Variants in PHIP observed in about 807,000 individuals in gnomAD.
PHIP encodes PHIP subunit of CUL4-Ring ligase complex.
PHIP carries 54 observed loss-of-function variants against 236.8 expected under a neutral mutation model. The ratio of observed to expected loss-of-function variants is 0.23; its 90% CI spans 0.18 to 0.29. The LOEUF (loss-of-function observed/expected upper bound fraction) is 0.29. Ranked by LOEUF, PHIP falls within the 10% of genes least tolerant of loss-of-function variation. The pLI is 1.00. For missense variants in PHIP, 1,370 were observed against 2,190.8 expected (o/e 0.63, Z 7.48); for synonymous variants, 756 against 718.9 (o/e 1.05, Z -0.83).
chr6:79,035,534 A>C lies in PHIP; in HGVS notation c.600+7309T>G, dbSNP rs112017800. Among the ~76,000 whole-genome samples, 1,270 of 152,310 alleles carry C rather than the reference A, an allele frequency of 8.3e-3. 6 individuals carry two copies. Among genetic ancestry groups the C allele is most frequent in the Non-Finnish European group, 0.014 (938 of 68,008 alleles). ...AATAAAAGAAATTATGTGATTTTTT[A>C]ACTAAAAATATCTTAGAGAATTTGG... On this transcript the variant is annotated intron_variant, in intron 7 of 39. Coordinates refer to ENST00000275034, the MANE Select transcript of PHIP (RefSeq NM_017934.7).
intron 31 of PHIP, 54 bp downstream of exon 31, chr6:78,961,636 G>A: frequency 1.3e-6 from 2 of 1,573,356 alleles, no homozygotes; most frequent in Non-Finnish European, 1.7e-6. Flanking sequence ...TCAGTAAATG[G>A]GTGGAAAGAT....
At chr6:79,038,819 A>G (rs1232778929) in intron 7 of PHIP, among the ~76,000 whole-genome samples, 1 of 152,162 alleles carries the variant, frequency 6.6e-6, no homozygotes, top group African/African-American at 2.4e-5. Context: ...CTTTCCACAT[A>G]GATATCTCAA....
chr6:78,969,971 A>C, intron 26 of PHIP, 54 bp from the exon 27 acceptor site: 2 of 1,580,306 alleles, frequency 1.3e-6, no homozygotes, highest in Non-Finnish European at 8.7e-7. Flanking sequence ...AATACCTAAA[A>C]GATGTTCAAA....
chr6:79,067,234 G>C (rs1436577026), intron 4 of PHIP, among the ~76,000 whole-genome samples: 1 of 151,990 alleles, frequency 6.6e-6, no homozygotes, highest in Admixed American at 6.6e-5. Flanking sequence ...CCAATAAGAT[G>C]CAAGAATGGG....
chr6:79,034,960 C>T (rs1245918873), intron 7 of PHIP, among the ~76,000 whole-genome samples: 1 of 152,136 alleles, frequency 6.6e-6, no homozygotes, highest in Admixed American at 6.6e-5. Context: ...ACTCCCTCTA[C>T]TTATGAGATA....
intron 9 of PHIP, among the ~76,000 whole-genome samples, chr6:79,020,059 C>T (rs1351349024): frequency 3.9e-5 from 6 of 151,964 alleles, no homozygotes; most frequent in Non-Finnish European, 7.4e-5. Flanking sequence ...CAATATATAA[C>T]AAATTTAGAG....
intron 27 of PHIP, among the ~76,000 whole-genome samples, chr6:78,967,809 G>A (rs149393007): frequency 3.9e-5 from 6 of 152,060 alleles, no homozygotes; most frequent in Admixed American, 6.6e-5. Flanking sequence ...TATTTGTTCC[G>A]CAATTTATTG....
intron 4 of PHIP, among the ~76,000 whole-genome samples, chr6:79,077,087 C>T (rs942213736): frequency 4.6e-5 from 7 of 152,076 alleles, no homozygotes. Context: ...CGAGCGCGCT[C>T]TCCCTCTTCG....
chr6:79,024,866 A>T (rs1378326166), intron 9 of PHIP, among the ~76,000 whole-genome samples: 2 of 152,172 alleles, frequency 1.3e-5, no homozygotes, highest in Non-Finnish European at 2.9e-5. Flanking sequence ...AAGGGCAGAG[A>T]AGTGCTCTAG....
chr6:78,946,688 G>A (rs1168054551), intron 37 of PHIP, 23 bp downstream of exon 37: 1 of 1,524,010 alleles, frequency 6.6e-7, no homozygotes, highest in Non-Finnish European at 8.7e-7. Context: ...ATCAGCTAGT[G>A]GTATTTAAAA....
chr6:79,015,247 T>TA, intron 14 of PHIP, 31 bp from the exon 15 acceptor site: 2 of 1,540,066 alleles, frequency 1.3e-6, no homozygotes, highest in South Asian at 2.3e-5. Context: ...CAAAGAATCA[T>TA]AGATATTAAA....
Position 78,945,338 on chromosome 6 carries a change from G to T in PHIP, c.4790C>A (p.Ala1597Glu). The T allele has an allele frequency of 6.2e-7, 1 of 1,613,556 alleles. No individual in the cohort carries two copies. The highest frequency in any genetic ancestry group is 8.5e-7 in the Non-Finnish European group (1 of 1,179,560). Residue 1597 changes from alanine (A) to glutamate (E), a missense_variant, in exon 39 of 40, where the codon GCG becomes GAG. Around this residue, in one of 14 missense-constraint regions of PHIP, gnomAD observed 309 missense variants for 328.3 expected, o/e 0.94. Transcript: ENST00000275034. Reference sequence around the variant, plus strand: ...AGCTGATGACTTTGAAAGAGTGGACGCCTTTGGGAGTACAGATGACTTCAT... The same window carrying T: ...AGCTGATGACTTTGAAAGAGTGGACTCCTTTGGGAGTACAGATGACTTCAT... Reference protein sequence around the residue: ...RKMKSSVLPKASTLSKSSAVI... With the variant: ...RKMKSSVLPKESTLSKSSAVI...
intron 4 of PHIP, among the ~76,000 whole-genome samples, chr6:79,063,474 T>A (rs1243144185): frequency 6.6e-6 from 1 of 152,204 alleles, no homozygotes; most frequent in Non-Finnish European, 1.5e-5. Flanking sequence ...CGGAGTACAA[T>A]GGCGGGATCT....
Position 78,955,694 on chromosome 6 carries a change from G to A in PHIP, c.3783-12C>T. 1.2e-6 allele frequency: 1 copy of A among 862,198 alleles called. No homozygotes were observed. 53.4% of individuals were successfully genotyped at this position (862,198 alleles called of 1,614,324 possible). A position where few individuals can be genotyped will look rare whatever the true frequency, so the allele number is the denominator to read the frequency against. On this transcript the variant is annotated splice_polypyrimidine_tract_variant and intron_variant, in intron 32 of 39. Coordinates refer to ENST00000275034, the MANE Select transcript of PHIP (RefSeq NM_017934.7). ...AACAAGTCTGATCCCTACATAACAA[G>A]GAAATGTTAACATGTAAGATTAGAA... is the stretch of plus-strand genomic sequence containing the variant.
At chr6:78,965,680 C>CA (rs754252286) in intron 29 of PHIP, 23 bp downstream of exon 29, 1 of 1,383,096 alleles carries the variant, frequency 7.2e-7, no homozygotes, top group East Asian at 2.3e-5. Flanking sequence ...AATGGAGAAA[C>CA]AAAAAGCCTA....
At chr6:79,002,895 G>C (rs190820836) in intron 16 of PHIP, among the ~76,000 whole-genome samples, 39 of 152,018 alleles carry the variant, frequency 2.6e-4, no homozygotes, top group Admixed American at 2.4e-3. Context: ...GGGTTAATAA[G>C]CATTTTCTCT....
Position 78,940,657 on chromosome 6 carries a change from C to T in PHIP, c.*36G>A. 3 of 1,346,942 alleles carry T rather than the reference C, an allele frequency of 2.2e-6. No individual in the cohort carries two copies. The highest frequency in any genetic ancestry group is 3.0e-6 in the Non-Finnish European group (3 of 994,316). The allele number at this position is 1,346,942 out of a possible 1,614,324, so 83.4% of individuals were successfully genotyped here. On this transcript the variant is annotated 3_prime_UTR_variant, in exon 40 of 40. Coordinates refer to ENST00000275034, the MANE Select transcript of PHIP (RefSeq NM_017934.7). ...TCTACTTATTCCTTAACTGTACCTG[C>T]TTTATAGATTTTGAAGTAAAATATT...
intron 4 of PHIP, among the ~76,000 whole-genome samples, chr6:79,062,148 A>G (rs1213823237): frequency 1.3e-5 from 2 of 152,206 alleles, no homozygotes; most frequent in African/African-American, 2.4e-5. Flanking sequence ...AGTTTGTATC[A>G]TATGAATTAT....
chr6:79,008,643 C>T (rs187962750), intron 15 of PHIP, among the ~76,000 whole-genome samples: 1 of 152,140 alleles, frequency 6.6e-6, no homozygotes, highest in East Asian at 1.9e-4. Context: ...CCAAAGTTTA[C>T]TTCTAAGCCT....
Sources: gnomAD v4.1 joint callset for allele counts (sites outside exome capture counted in the v4.1 genomes callset) on GRCh38, gnomAD v4.1.1 for gene constraint, gnomAD v4.1.1 regional missense constraint, MANE v1.5 for transcripts, NCBI Gene and HGNC (gene_info 2026-07-23, HGNC 2026-07-21) for gene names.